The following RARG variants were observed in gnomAD, a reference collection of about 807,000 sequenced individuals.
RARG encodes the protein RAR-gamma.
A neutral mutation model predicts 43.7 loss-of-function variants in RARG; 17 were observed. The ratio of observed to expected loss-of-function variants is 0.39; its 90% CI spans 0.27 to 0.58. The LOEUF is 0.58. Ranked by LOEUF, RARG falls within the 20% of genes least tolerant of loss-of-function variation. The pLI is 0.57. For synonymous variants in RARG, 238 were observed against 236.4 expected (o/e 1.01, Z -0.06); for missense variants, 346 against 598.7 (o/e 0.58, Z 4.40).
rs1943125158 is a variant in RARG, at chr12:53,227,068, T to C, written c.184+294A>G. ...CCCACACAAAGGTATTCCCCTCTAC[T>C]AGTTGACTGACCCAGGAGGCAGTTT... On this transcript the variant is annotated intron_variant, in intron 3 of 9. Transcript: ENST00000425354. The surrounding 1 kb of genome is among the most constrained non-coding windows in gnomAD (Gnocchi z 4.3). 6.6e-6 allele frequency among the ~76,000 whole-genome samples: 1 copy of C among 151,960 alleles called. No homozygotes were observed. Among genetic ancestry groups the C allele is most frequent in the Non-Finnish European group, 1.5e-5 (1 of 67,980 alleles).
In RARG at chr12:53,213,964, G is replaced by C. The variant is rs1942683143; in HGVS notation, c.813+95C>G. On this transcript the variant is annotated intron_variant, in intron 7 of 9. Coordinates refer to ENST00000425354, the MANE Select transcript of RARG (RefSeq NM_000966.6). The surrounding 1 kb of genome is among the most constrained non-coding windows in gnomAD (Gnocchi z 4.7). Reference sequence around the variant, plus strand: ...GAGGAGTCCCACATGTGTGGCAGGGGGTGCAGGGTAAGGAAATCTTTGCAT... The same window carrying C: ...GAGGAGTCCCACATGTGTGGCAGGGCGTGCAGGGTAAGGAAATCTTTGCAT... 6 of 1,383,930 alleles carry C rather than the reference G, an allele frequency of 4.3e-6. No homozygotes were observed. The highest frequency in any genetic ancestry group is 6.0e-6 in the Non-Finnish European group (6 of 1,003,892). 85.7% of individuals were successfully genotyped at this position (1,383,930 alleles called of 1,614,324 possible).
intron 9 of RARG, among the ~76,000 whole-genome samples, chr12:53,212,635 C>A (rs189064292): frequency 6.6e-6 from 1 of 152,030 alleles, no homozygotes; most frequent in East Asian, 1.9e-4. Context: ...CTAATTTAGT[C>A]CTCAAGACAG....
chr12:53,213,945 T>A lies in RARG; in HGVS notation c.813+114A>T. The A allele has an allele frequency of 7.8e-7, 1 of 1,277,778 alleles. No individual in the cohort carries two copies. Among genetic ancestry groups the A allele is most frequent in the East Asian group, 2.3e-5 (1 of 43,094 alleles). The allele number at this position is 1,277,778 out of a possible 1,614,324, so 79.2% of individuals were successfully genotyped here. A position where few individuals can be genotyped will look rare whatever the true frequency, so the allele number is the denominator to read the frequency against. On this transcript the variant is annotated intron_variant, in intron 7 of 9. Coordinates refer to ENST00000425354, the MANE Select transcript of RARG (RefSeq NM_000966.6). The surrounding 1 kb of genome is among the most constrained non-coding windows in gnomAD (Gnocchi z 4.7). ...CTAAGACGAAAAGAGAGCTGAGGAG[T>A]CCCACATGTGTGGCAGGGGGTGCAG...
chr12:53,231,984 AG>A lies in RARG; in HGVS notation c.-221del, dbSNP rs932560596. The stretch of plus-strand genomic sequence containing the variant: ...CCCCGCCTGACTCACCTGGAGTGGG[AG>A]GGGGAAGGGAGGCGGCGGAGCCCCG... On this transcript the variant is annotated 5_prime_UTR_variant, in exon 1 of 10. Transcript: ENST00000425354. 6 of 395,598 alleles carry A rather than the reference AG, an allele frequency of 1.5e-5. No homozygotes were observed. The highest frequency in any genetic ancestry group is 2.2e-5 in the Non-Finnish European group (5 of 224,582). The allele number at this position is 395,598 out of a possible 1,614,324, so 24.5% of individuals were successfully genotyped here. A position where few individuals can be genotyped will look rare whatever the true frequency, so the allele number is the denominator to read the frequency against.
At position 53,227,172 on chromosome 12, in the gene RARG, C is replaced by G. The variant is rs1447260550; in HGVS notation, c.184+190G>C. 6.6e-6 allele frequency among the ~76,000 whole-genome samples: 1 copy of G among 152,192 alleles called. No homozygotes were observed. The highest frequency in any genetic ancestry group is 1.5e-5 in the Non-Finnish European group (1 of 68,034). Reference sequence around the variant, plus strand: ...GGAGAACTCTCATTTGCAAACACTTCCATTGAGTCCACATCCAAACTCCTT... The same window carrying G: ...GGAGAACTCTCATTTGCAAACACTTGCATTGAGTCCACATCCAAACTCCTT... On this transcript the variant is annotated intron_variant, in intron 3 of 9. Coordinates refer to ENST00000425354, the MANE Select transcript of RARG (RefSeq NM_000966.6). The surrounding 1 kb of genome is among the most constrained non-coding windows in gnomAD (Gnocchi z 4.3).
At chr12:53,229,042 G>A (rs1053821346) in intron 2 of RARG, among the ~76,000 whole-genome samples, 7 of 152,104 alleles carry the variant, frequency 4.6e-5, no homozygotes, top group African/African-American at 1.4e-4. Context: ...GTGCTAAGTA[G>A]GTGGTTCCTA....
Position 53,227,639 on chromosome 12 carries a change from A to G in RARG, c.-94T>C, listed in dbSNP as rs1943139862. The G allele has an allele frequency of 2.8e-5, 38 of 1,364,988 alleles. No homozygotes were observed. Among genetic ancestry groups the G allele is most frequent in the Non-Finnish European group, 3.5e-5 (37 of 1,060,154 alleles). 84.6% of individuals were successfully genotyped at this position (1,364,988 alleles called of 1,614,324 possible). On this transcript the variant is annotated 5_prime_UTR_variant, in exon 3 of 10. Coordinates refer to ENST00000425354, the MANE Select transcript of RARG (RefSeq NM_000966.6). The surrounding 1 kb of genome is among the most constrained non-coding windows in gnomAD (Gnocchi z 4.3). The stretch of plus-strand genomic sequence containing the variant: ...CCCATGCCCACTGCCCCAGCCTGGG[A>G]GGCTCCGTACCCGCCCTGCCTGGCC...
At position 53,214,334 on chromosome 12, in the gene RARG, C is replaced by A; in HGVS notation, c.637-99G>T. On this transcript the variant is annotated intron_variant, in intron 6 of 9. Transcript: ENST00000425354. ...TATCCCAAGCTCTCTCCTCTGCATT[C>A]TGATGCCCTCCTTGTCCTCAGCACC... 2.0e-6 allele frequency: 3 copies of A among 1,537,018 alleles called. No individual in the cohort carries two copies. The South Asian group carries it at 3.5e-5, about 18-fold the overall frequency.
rs1180111003 is a variant in RARG at position 53,210,986 on chromosome 12, G to A, written c.*690C>T. ...AGTGTAGGAGGGTCCCTGCCCCAAT[G>A]GCTGAGATGGAGGGCAGGAGGAGCC... On this transcript the variant is annotated 3_prime_UTR_variant, in exon 10 of 10. Coordinates refer to ENST00000425354, the MANE Select transcript of RARG (RefSeq NM_000966.6). The A allele has an allele frequency of 6.5e-6, 1 of 152,782 alleles. No individual in the cohort carries two copies. Among genetic ancestry groups the A allele is most frequent in the East Asian group, 1.9e-4 (1 of 5,196 alleles). The allele number at this position is 152,782 out of a possible 1,614,324, so 9.5% of individuals were successfully genotyped here.
chr12:53,221,207 GCAGTCCGCCCTCCGCCGCGGCC>G (rs1181171907), intron 3 of RARG, among the ~76,000 whole-genome samples: 19 of 146,168 alleles, frequency 1.3e-4, no homozygotes, highest in Admixed American at 5.5e-4. Context: ...CCTAGCCCGA[GCAGTCCGCCCTCCGCCGCGGCC>G]CGGGCCGCCT....
At chr12:53,214,669 C>A in intron 5 of RARG, 63 bp from the exon 6 acceptor site, 1 of 1,466,552 alleles carries the variant, frequency 6.8e-7, no homozygotes, top group Non-Finnish European at 9.3e-7. Flanking sequence ...GGTGTCCTCT[C>A]TCACCCTAAT....
Position 53,214,645 on chromosome 12 carries a change from A to G in RARG, c.476-39T>C, listed in dbSNP as rs751260210. ...GCGCAAGGAGAGGGTCAGGACCCTC[A>G]GAGCCTCCCTTTGGGTGTCCTCTCT... is the stretch of plus-strand genomic sequence containing the variant. On this transcript the variant is annotated intron_variant, in intron 5 of 9. Transcript: ENST00000425354. 2.6e-6 allele frequency: 4 copies of G among 1,565,630 alleles called. No individual in the cohort carries two copies. In the African/African-American group the frequency reaches 5.4e-5, roughly 21 times the overall value.
chr12:53,220,258 A>AG (rs1201942370), intron 3 of RARG: 3 of 521,384 alleles, frequency 5.8e-6, no homozygotes, highest in Non-Finnish European at 9.3e-6. Flanking sequence ...GGCGGGGAAG[A>AG]GGGGGGATCC....
chr12:53,224,939 A>C (rs1338764488), intron 3 of RARG, among the ~76,000 whole-genome samples: 1 of 152,122 alleles, frequency 6.6e-6, no homozygotes, highest in East Asian at 1.9e-4. Flanking sequence ...CAGGGGCGCA[A>C]GGGGGACGTC....
At chr12:53,228,693 TTC>T (rs531971649) in intron 2 of RARG, among the ~76,000 whole-genome samples, 26 of 151,826 alleles carry the variant, frequency 1.7e-4, no homozygotes, top group Non-Finnish European at 2.8e-4. Context: ...GCCTCCTTTT[TTC>T]TCTCTCTCTC....
intron 3 of RARG, among the ~76,000 whole-genome samples, chr12:53,217,045 A>C (rs1231533036): frequency 6.6e-6 from 1 of 152,036 alleles, no homozygotes; most frequent in South Asian, 2.1e-4. Context: ...ACCTGGTCAG[A>C]AGCCCGCCCC....
chr12:53,219,144 T>C (rs1054803081), intron 3 of RARG, among the ~76,000 whole-genome samples: 2 of 152,174 alleles, frequency 1.3e-5, no homozygotes, highest in Non-Finnish European at 2.9e-5. Flanking sequence ...CGCTGTCAAC[T>C]TCAGGCCACC....
chr12:53,230,606 C>G (rs1259982932), intron 2 of RARG, among the ~76,000 whole-genome samples: 1 of 152,056 alleles, frequency 6.6e-6, no homozygotes, highest in East Asian at 1.9e-4. Flanking sequence ...CTCCACCTCT[C>G]ATCCCCAGGT....
intron 2 of RARG, chr12:53,230,121 A>C (rs990410804): frequency 3.6e-5 from 13 of 364,230 alleles, no homozygotes; most frequent in Non-Finnish European, 5.0e-5. Flanking sequence ...AAGGCAGTGC[A>C]GAGTAAAAGG....
Sources: gnomAD v4.1 joint callset for allele counts (sites outside exome capture counted in the v4.1 genomes callset) on GRCh38, gnomAD v4.1.1 for gene constraint, Gnocchi (gnomAD v3.1) non-coding constraint, MANE v1.5 for transcripts, NCBI Gene and HGNC (gene_info 2026-07-23, HGNC 2026-07-21) for gene names.